TASP1: variants seen among roughly 807,000 people sequenced by gnomAD.
TASP1 encodes taspase 1.
In TASP1, 16 loss-of-function variants were observed where a neutral mutation model predicts 56.6. That is an observed-to-expected ratio of 0.28 (90% CI 0.19 to 0.43). TASP1 has a LOEUF of 0.43. TASP1 is among the 20% of genes least tolerant of loss of function. The pLI is 1.00. For synonymous variants in TASP1, 179 were observed against 184.2 expected (o/e 0.97, Z 0.23); for missense variants, 393 against 511.6 (o/e 0.77, Z 2.24).
chr20:13,500,203 T>C (rs1474892341), intron 10 of TASP1, among the ~76,000 whole-genome samples: 1 of 149,924 alleles, frequency 6.7e-6, no homozygotes, highest in African/African-American at 2.5e-5. Context: ...AAAACATTTA[T>C]ATATGTTTAT....
chr20:13,493,192 T>C (rs776457213), intron 10 of TASP1, among the ~76,000 whole-genome samples: 2 of 152,028 alleles, frequency 1.3e-5, no homozygotes, highest in East Asian at 3.9e-4. Context: ...TCAACAAACA[T>C]GAGTAGTGAA....
At chr20:13,261,889 C>T in the TASP1 span, among the ~76,000 whole-genome samples, 1 of 152,230 alleles carries the variant, frequency 6.6e-6, no homozygotes, top group Non-Finnish European at 1.5e-5. Context: ...GGTTCTCCCT[C>T]TCACCAACAG....
chr20:13,631,621 T>C (rs572632880), intron 1 of TASP1, among the ~76,000 whole-genome samples: 30 of 152,316 alleles, frequency 2.0e-4, no homozygotes, highest in Non-Finnish European at 3.8e-4. Flanking sequence ...AGCATAAACA[T>C]AGATTGAAAA....
At chr20:13,326,687 T>C in the TASP1 span, among the ~76,000 whole-genome samples, 1 of 152,192 alleles carries the variant, frequency 6.6e-6, no homozygotes, top group African/African-American at 2.4e-5. Context: ...AGGTCTTTTG[T>C]TCATTTTTTA....
the TASP1 span, among the ~76,000 whole-genome samples, chr20:13,350,979 A>C: frequency 3.3e-5 from 5 of 150,402 alleles, no homozygotes; most frequent in Admixed American, 1.3e-4. Context: ...AAAAAAAAAA[A>C]CAAAACCTAA....
the TASP1 span, among the ~76,000 whole-genome samples, chr20:13,175,405 T>A: frequency 1.3e-5 from 2 of 152,218 alleles, no homozygotes; most frequent in African/African-American, 4.8e-5. Flanking sequence ...ATGGGTATTT[T>A]CTGGTCTTAG....
the TASP1 span, among the ~76,000 whole-genome samples, chr20:13,316,931 C>G: frequency 6.6e-6 from 1 of 151,512 alleles, no homozygotes; most frequent in Non-Finnish European, 1.5e-5. Context: ...CAAGTCCTAT[C>G]TAATGCAATA....
At chr20:13,584,607 C>A (rs532531930) in intron 5 of TASP1, among the ~76,000 whole-genome samples, 1 of 152,270 alleles carries the variant, frequency 6.6e-6, no homozygotes, top group African/African-American at 2.4e-5. Context: ...GAGCACTGTA[C>A]TCAACAACTC....
the TASP1 span, among the ~76,000 whole-genome samples, chr20:13,345,283 G>A: frequency 4.6e-5 from 7 of 152,306 alleles, no homozygotes; most frequent in South Asian, 1.5e-3. Flanking sequence ...ATCAGAACGT[G>A]GGGAATTTGT....
chr20:13,379,544 A>T, the TASP1 span, among the ~76,000 whole-genome samples: 1 of 151,496 alleles, frequency 6.6e-6, no homozygotes, highest in East Asian at 2.0e-4. Context: ...AATCTGACAA[A>T]CATGCGTCTC....
At chr20:13,315,708 A>G in the TASP1 span, among the ~76,000 whole-genome samples, 1 of 151,980 alleles carries the variant, frequency 6.6e-6, no homozygotes, top group Non-Finnish European at 1.5e-5. Flanking sequence ...TTTCTTCTCA[A>G]GCTTATATGA....
At chr20:13,143,385 A>T in the TASP1 span, among the ~76,000 whole-genome samples, 1 of 152,240 alleles carries the variant, frequency 6.6e-6, no homozygotes. Flanking sequence ...AAGTTATGTC[A>T]GACACCCTAC....
At chr20:13,322,627 C>T in the TASP1 span, among the ~76,000 whole-genome samples, 1 of 152,128 alleles carries the variant, frequency 6.6e-6, no homozygotes, top group South Asian at 2.1e-4. Context: ...AAAGAAAAGC[C>T]CAAGACCCAG....
At chr20:13,485,762 C>A (rs2043301234) in intron 10 of TASP1, among the ~76,000 whole-genome samples, 1 of 152,084 alleles carries the variant, frequency 6.6e-6, no homozygotes, top group Non-Finnish European at 1.5e-5. Flanking sequence ...TCATGAAACG[C>A]CATAAAGTTT....
At chr20:13,359,301 C>T in the TASP1 span, among the ~76,000 whole-genome samples, 7 of 150,772 alleles carry the variant, frequency 4.6e-5, no homozygotes, top group African/African-American at 9.9e-5. Context: ...TCCTAAGCCG[C>T]ATCCCATCTG....
At chr20:13,558,466 T>A (rs2046236031) in intron 8 of TASP1, among the ~76,000 whole-genome samples, 1 of 152,136 alleles carries the variant, frequency 6.6e-6, no homozygotes, top group South Asian at 2.1e-4. Flanking sequence ...ATTCAGAAAT[T>A]AAAATGAGTC....
At chr20:13,394,318 A>AAAAAAAAAAAAAGAAAAAAAAAAAAAAAG (rs1568741093) in intron 13 of TASP1, among the ~76,000 whole-genome samples, 1 of 146,522 alleles carries the variant, frequency 6.8e-6, no homozygotes, top group African/African-American at 2.6e-5. Flanking sequence ...AAAAAAAAAA[A>AAAAAAAAAAAAAGAAAAAAAAAAAAAAAG]AAAAAAAAAA....
chr20:13,304,784 G>C, the TASP1 span, among the ~76,000 whole-genome samples: 3 of 152,104 alleles, frequency 2.0e-5, no homozygotes, highest in African/African-American at 4.8e-5. Flanking sequence ...ACCAGTCCAC[G>C]AGCTCCCAGT....
the TASP1 span, chr20:13,154,282 CA>C: frequency 9.6e-7 from 1 of 1,045,808 alleles, no homozygotes. Context: ...AGCCACCTGT[CA>C]CTCTATCAGC....
Sources: gnomAD v4.1 joint callset for allele counts (sites outside exome capture counted in the v4.1 genomes callset) on GRCh38, gnomAD v4.1.1 for gene constraint, MANE v1.5 for transcripts, NCBI Gene and HGNC (gene_info 2026-07-23, HGNC 2026-07-21) for gene names.